ATG2B: variants seen among roughly 807,000 people sequenced by gnomAD.
The protein encoded by ATG2B is autophagy related 2B.
In ATG2B, 121 loss-of-function variants were observed where a neutral mutation model predicts 241.3. The observed-to-expected ratio is 0.50, with a 90% CI of 0.43 to 0.58. ATG2B has a LOEUF of 0.58. Ranked by LOEUF, ATG2B falls within the 20% of genes least tolerant of loss-of-function variation. The pLI is 0.00. For synonymous variants in ATG2B, 858 were observed against 876.6 expected, an observed-to-expected ratio of 0.98 and a Z score of 0.37; for missense variants, 2,306 against 2,491.6, an observed-to-expected ratio of 0.93 and a Z score of 1.59.
chr14:96,358,733 G>A (rs1368697848), intron 1 of ATG2B, among the ~76,000 whole-genome samples: 1 of 150,974 alleles, frequency 6.6e-6, no homozygotes, highest in Non-Finnish European at 1.5e-5. Flanking sequence ...GTCCTATGAA[G>A]TGTTTCCTCA....
In ATG2B at chr14:96,304,544, C is replaced by T. The variant is rs1007454441; in HGVS notation, c.4793G>A (p.Gly1598Glu). The change falls in exon 32 of 42, where the codon GGG becomes GAG. Residue 1598 changes from glycine (G) to glutamate (E), a missense_variant. Coordinates refer to ENST00000359933, the MANE Select transcript of ATG2B (RefSeq NM_018036.7). ...AAAGTCATGGTTCCTTCCTTTTCCCCCACATACTGTATTACGTCCATGTCT... is the reference window on the plus strand; with the variant it reads ...AAAGTCATGGTTCCTTCCTTTTCCCTCACATACTGTATTACGTCCATGTCT... ...PTRHGRNTVC[G>E]GKGRNHDFLM... The T allele has an allele frequency of 3.1e-6, 5 of 1,613,354 alleles. No individual in the cohort carries two copies. In the South Asian group the frequency reaches 4.4e-5, roughly 14 times the overall value.
At chr14:96,299,793 TG>T (rs1387090456) in intron 34 of ATG2B, among the ~76,000 whole-genome samples, 4 of 152,202 alleles carry the variant, frequency 2.6e-5, no homozygotes, top group Non-Finnish European at 5.9e-5. Flanking sequence ...GAAAGAATAA[TG>T]TGTTGCTTTC....
chr14:96,333,890 G>A lies in ATG2B; in HGVS notation c.1022-17C>T. 3.1e-6 allele frequency: 5 copies of A among 1,604,390 alleles called. No homozygotes were observed. The highest frequency in any genetic ancestry group is 4.3e-6 in the Non-Finnish European group (5 of 1,172,698). ...TAGAATTTTCTATAAGCATACAAAA[G>A]GAAACCAAAACAGTAATTAAATTTG... On this transcript the variant is annotated splice_polypyrimidine_tract_variant and intron_variant, in intron 7 of 41. Transcript: ENST00000359933.
At chr14:96,310,361 C>T (rs1280404600) in intron 28 of ATG2B, among the ~76,000 whole-genome samples, 8 of 152,072 alleles carry the variant, frequency 5.3e-5, no homozygotes, top group Admixed American at 5.2e-4. Flanking sequence ...CCAGTCAGGC[C>T]TTTACTAGAG....
At position 96,284,502 on chromosome 14, in the gene ATG2B, G is replaced by GA. The variant is rs1042654422; in HGVS notation, c.*1252dup. ...ATATTCCCCCAACTTTAGAAAACAG[G>GA]AAGTCAGGTCATGCAACTTTCAACA... On this transcript the variant is annotated 3_prime_UTR_variant, in exon 42 of 42. Coordinates refer to ENST00000359933, the MANE Select transcript of ATG2B (RefSeq NM_018036.7). 2.6e-5 allele frequency: 4 copies of GA among 152,180 alleles called. No homozygotes were observed. The highest frequency in any genetic ancestry group is 1.3e-4 in the Admixed American group (2 of 15,280). 9.4% of individuals were successfully genotyped at this position (152,180 alleles called of 1,614,324 possible). A position where few individuals can be genotyped will look rare whatever the true frequency, so the allele number is the denominator to read the frequency against.
chr14:96,351,714 C>T lies in ATG2B; in HGVS notation c.163-4373G>A, dbSNP rs540885137. On this transcript the variant is annotated intron_variant, in intron 1 of 41. Transcript: ENST00000359933. ...TCGCGCCACTGCACTCCAGCCTGGGCGGCAGAGCAAGACTCCGTCTCAAAA... is the reference window on the plus strand; with the variant it reads ...TCGCGCCACTGCACTCCAGCCTGGGTGGCAGAGCAAGACTCCGTCTCAAAA... Among the ~76,000 whole-genome samples the T allele has an allele frequency of 3.4e-4, 50 of 146,600 alleles. No individual in the cohort carries two copies. The South Asian group carries it at 5.6e-3, about 16-fold the overall frequency.
intron 1 of ATG2B, among the ~76,000 whole-genome samples, chr14:96,355,059 C>T (rs11160333): frequency 0.34 from 51,290 of 152,006 alleles, 9,935 homozygotes; most frequent in Non-Finnish European, 0.44. Flanking sequence ...AGACGGATAG[C>T]TTGCAAAAAT....
chr14:96,362,163 G>A (rs1343070604), intron 1 of ATG2B, among the ~76,000 whole-genome samples: 4 of 152,082 alleles, frequency 2.6e-5, no homozygotes, highest in Admixed American at 2.0e-4. Flanking sequence ...TGCAACACCT[G>A]CTTTTACGAT....
At chr14:96,310,602 T>G (rs1887123557) in intron 28 of ATG2B, among the ~76,000 whole-genome samples, 1 of 152,204 alleles carries the variant, frequency 6.6e-6, no homozygotes, top group Non-Finnish European at 1.5e-5. Context: ...TCATCTAAAT[T>G]CTCTGGGTCT....
At chr14:96,313,526 C>A in intron 23 of ATG2B, 91 bp from the exon 24 acceptor site, 2 of 545,872 alleles carry the variant, frequency 3.7e-6, no homozygotes, top group Non-Finnish European at 6.2e-6. Context: ...CAGAATATCT[C>A]ACAGAAAAAA....
rs554416238 is a variant in ATG2B, at chr14:96,337,166, A to G, written c.925-2665T>C. Among the ~76,000 whole-genome samples the G allele has an allele frequency of 5.9e-5, 9 of 152,272 alleles. No homozygotes were observed. In the South Asian group the frequency reaches 1.7e-3, roughly 28 times the overall value. ...CTGATTCATCTTTGCATCTGTCCGA[A>G]AAACTGGGACAGGTAAGTGGCTGGC... On this transcript the variant is annotated intron_variant, in intron 6 of 41. Coordinates refer to ENST00000359933, the MANE Select transcript of ATG2B (RefSeq NM_018036.7).
chr14:96,285,947 C>T lies in ATG2B; in HGVS notation c.6045G>A (p.Ala2015=), dbSNP rs199700811. Residue 2015 remains alanine, a synonymous_variant, in exon 42 of 42, where the codon GCG becomes GCA. Transcript: ENST00000359933. The surrounding 1 kb of genome is among the most constrained non-coding windows in gnomAD (Gnocchi z 4.2). ...TDTAQTIYET[A]AREHESRGVT... is the part of the protein sequence containing the mutation. ...CCCCTCTGCTCTCGTGTTCTCGAGC[C>T]GCAGTTTCATAAATGGTCTGAGCCG... 92 of 1,613,766 alleles carry T rather than the reference C, an allele frequency of 5.7e-5. No individual in the cohort carries two copies. The highest frequency in any genetic ancestry group is 3.0e-4 in the Admixed American group (18 of 60,006).
chr14:96,357,507 C>G (rs1056931898), intron 1 of ATG2B, among the ~76,000 whole-genome samples: 1 of 152,138 alleles, frequency 6.6e-6, no homozygotes, highest in Admixed American at 6.6e-5. Flanking sequence ...CCTCAAAAAT[C>G]AATATAGTAA....
chr14:96,323,529 A>G (rs1216970204), intron 16 of ATG2B, among the ~76,000 whole-genome samples: 1 of 152,246 alleles, frequency 6.6e-6, no homozygotes, highest in East Asian at 1.9e-4. Context: ...TAATTGATAC[A>G]TATCCTAATA....
intron 34 of ATG2B, among the ~76,000 whole-genome samples, chr14:96,300,735 T>C (rs950908535): frequency 2.0e-5 from 3 of 152,162 alleles, no homozygotes; most frequent in Admixed American, 6.5e-5. Flanking sequence ...TGATAAAACA[T>C]AAACTTAAAG....
chr14:96,351,523 G>A (rs1011247513), intron 1 of ATG2B, among the ~76,000 whole-genome samples: 3 of 152,056 alleles, frequency 2.0e-5, no homozygotes, highest in African/African-American at 7.2e-5. Flanking sequence ...ATTGCCTGAG[G>A]TCAGGAGTTT....
At chr14:96,359,907 T>C (rs1566738565) in intron 1 of ATG2B, among the ~76,000 whole-genome samples, 1 of 152,216 alleles carries the variant, frequency 6.6e-6, no homozygotes, top group Non-Finnish European at 1.5e-5. Context: ...ATATTTAATA[T>C]ACAAATGGGC....
Position 96,363,165 on chromosome 14 carries a change from AG to A in ATG2B, c.-190del. 1 of 612,398 alleles carries A rather than the reference AG, an allele frequency of 1.6e-6. No homozygotes were observed. The allele number at this position is 612,398 out of a possible 1,614,324, so 37.9% of individuals were successfully genotyped here. On this transcript the variant is annotated 5_prime_UTR_variant, in exon 1 of 42. It removes the in-frame stop codon of an upstream open reading frame in the 5' UTR. Transcript: ENST00000359933. ...GCACCGCTCGCGCTGGGCCTGGCGG[AG>A]GCAAGACGCAGAGGGGTCCTCCTGG... is the stretch of plus-strand genomic sequence containing the variant.
In ATG2B at chr14:96,295,050, C is replaced by G; in HGVS notation, c.5336G>C (p.Ser1779Thr). The change falls in exon 36 of 42, where the codon AGT becomes ACT. Residue 1779 changes from serine to threonine, a missense_variant. Around this residue, in one of 2 missense-constraint regions of ATG2B, gnomAD observed 379 missense variants for 480.4 expected, o/e 0.79. Coordinates refer to ENST00000359933, the MANE Select transcript of ATG2B (RefSeq NM_018036.7). ...SGPKQPSQND[S>T]ANSVEVVNGM... is the part of the protein sequence containing the mutation. ...ATTAACCACTTCCACTGAATTGGCA[C>G]TATCATTTTGGGAAGGCTGTTTTGG... 1 of 1,614,198 alleles carries G rather than the reference C, an allele frequency of 6.2e-7. No individual in the cohort carries two copies. The highest frequency in any genetic ancestry group is 8.5e-7 in the Non-Finnish European group (1 of 1,180,022).
Sources: allele counts gnomAD v4.1 joint callset (sites outside exome capture counted in the v4.1 genomes callset), GRCh38; gene constraint gnomAD v4.1.1; regional missense constraint gnomAD v4.1.1; non-coding constraint Gnocchi (gnomAD v3.1); transcripts MANE v1.5; gene names NCBI Gene and HGNC (gene_info 2026-07-23, HGNC 2026-07-21).